FAM193A: variants seen among roughly 807,000 people sequenced by gnomAD.
The protein encoded by FAM193A is family with sequence similarity 193 member A.
A neutral mutation model predicts 126.5 loss-of-function variants in FAM193A; 22 were observed. The observed-to-expected ratio is 0.17, with a 90% CI of 0.12 to 0.25. The LOEUF is 0.25. Ranked by LOEUF, FAM193A falls within the 10% of genes least tolerant of loss-of-function variation. The pLI, the probability that FAM193A is intolerant of heterozygous loss-of-function variation, is 1.00. For missense variants in FAM193A, 1,675 were observed against 1,672.8 expected (o/e 1.00, Z -0.02); for synonymous variants, 761 against 646.8 (o/e 1.18, Z -2.68).
chr4:2,556,007 CTG>C (rs1460748251), intron 1 of FAM193A, among the ~76,000 whole-genome samples: 2 of 151,974 alleles, frequency 1.3e-5, no homozygotes, highest in Non-Finnish European at 2.9e-5. Context: ...GGCGATTCCC[CTG>C]TCTCAGCCTC....
At chr4:2,547,231 T>C (rs571981992) in intron 1 of FAM193A, among the ~76,000 whole-genome samples, 1 of 151,978 alleles carries the variant, frequency 6.6e-6, no homozygotes, top group South Asian at 2.1e-4. Flanking sequence ...CTACTAAAAA[T>C]ACAAAAAGTA....
intron 1 of FAM193A, among the ~76,000 whole-genome samples, chr4:2,563,404 G>A (rs1738745082): frequency 6.6e-6 from 1 of 151,976 alleles, no homozygotes; most frequent in Admixed American, 6.6e-5. Flanking sequence ...TAATTAAACT[G>A]GTCTTCACAA....
chr4:2,695,443 G>A (rs753813174), intron 17 of FAM193A, among the ~76,000 whole-genome samples: 71 of 152,326 alleles, frequency 4.7e-4, no homozygotes, highest in Non-Finnish European at 7.5e-4. Flanking sequence ...GCAGCGTTGT[G>A]TGTGTGCAGT....
rs111670654 is a variant in FAM193A at position 2,665,765 on chromosome 4, C to G, written c.2079+2477C>G. Among the ~76,000 whole-genome samples, 607 of 152,310 alleles carry G rather than the reference C, an allele frequency of 4.0e-3. 5 individuals carry two copies. Among genetic ancestry groups the G allele is most frequent in the African/African-American group, 0.012 (496 of 41,564 alleles). ...TGGTCTTGAACTTCTGGCCTCAAGC[C>G]ATCCTCCCATTTCAGCCTCCCAAAG... On this transcript the variant is annotated intron_variant, in intron 12 of 20. Transcript: ENST00000637812.
At chr4:2,658,275 G>A (rs1360955851) in intron 8 of FAM193A, among the ~76,000 whole-genome samples, 1 of 152,108 alleles carries the variant, frequency 6.6e-6, no homozygotes. Context: ...CTGGAATGGG[G>A]GCCCAGCATC....
intron 6 of FAM193A, among the ~76,000 whole-genome samples, chr4:2,641,085 G>C (rs899009045): frequency 6.6e-6 from 1 of 151,750 alleles, no homozygotes; most frequent in Non-Finnish European, 1.5e-5. Flanking sequence ...CTGTCACCCA[G>C]GCTGGAGTGC....
At chr4:2,611,696 T>C (rs1222525031) in intron 2 of FAM193A, among the ~76,000 whole-genome samples, 2 of 152,186 alleles carry the variant, frequency 1.3e-5, no homozygotes, top group African/African-American at 4.8e-5. Context: ...TCTTAATGAG[T>C]TGTGAGATAT....
chr4:2,712,187 T>G (rs1248775803), intron 19 of FAM193A, among the ~76,000 whole-genome samples: 4 of 150,602 alleles, frequency 2.7e-5, no homozygotes, highest in Non-Finnish European at 5.9e-5. Flanking sequence ...TAGAGTTCAC[T>G]GTGTGTGTGT....
At chr4:2,640,734 G>C (rs913346464) in intron 6 of FAM193A, among the ~76,000 whole-genome samples, 2 of 152,120 alleles carry the variant, frequency 1.3e-5, no homozygotes, top group African/African-American at 4.8e-5. Flanking sequence ...GAGGCCTTAA[G>C]CAGGCGGATC....
At chr4:2,710,412 A>G (rs1295010974) in intron 19 of FAM193A, among the ~76,000 whole-genome samples, 1 of 151,836 alleles carries the variant, frequency 6.6e-6, no homozygotes, top group Non-Finnish European at 1.5e-5. Context: ...TGACCTCATG[A>G]TCCACCCGCC....
chr4:2,715,763 G>T (rs971749530), intron 19 of FAM193A, among the ~76,000 whole-genome samples: 1 of 152,186 alleles, frequency 6.6e-6, no homozygotes, highest in Non-Finnish European at 1.5e-5. Context: ...GGGGAGTCTA[G>T]GTTCTGGCAA....
chr4:2,677,949 A>G (rs974687045), intron 13 of FAM193A, among the ~76,000 whole-genome samples: 1 of 151,852 alleles, frequency 6.6e-6, no homozygotes, highest in Non-Finnish European at 1.5e-5. Context: ...ATGTGTTTTC[A>G]TTTATTTATG....
At chr4:2,573,381 C>T (rs566458431) in intron 1 of FAM193A, among the ~76,000 whole-genome samples, 2 of 152,140 alleles carry the variant, frequency 1.3e-5, no homozygotes, top group East Asian at 1.9e-4. Flanking sequence ...TGCGTGGTGA[C>T]GGGCACCTGT....
chr4:2,624,457 C>A (rs2108973927), intron 2 of FAM193A, among the ~76,000 whole-genome samples: 1 of 152,282 alleles, frequency 6.6e-6, no homozygotes, highest in South Asian at 2.1e-4. Context: ...TGTTCTCTTT[C>A]TTAAGCCTCC....
intron 13 of FAM193A, among the ~76,000 whole-genome samples, chr4:2,683,348 G>A (rs1014216800): frequency 3.3e-5 from 5 of 151,550 alleles, no homozygotes; most frequent in African/African-American, 1.2e-4. Context: ...AGGCTGGAGT[G>A]CAGTGGCGCC....
At chr4:2,600,651 C>T (rs1302392207) in intron 2 of FAM193A, among the ~76,000 whole-genome samples, 1 of 152,178 alleles carries the variant, frequency 6.6e-6, no homozygotes, top group East Asian at 1.9e-4. Context: ...GTATCACCCC[C>T]AAACCCCCAT....
At chr4:2,709,972 T>C (rs1328720068) in intron 19 of FAM193A, among the ~76,000 whole-genome samples, 2 of 152,206 alleles carry the variant, frequency 1.3e-5, no homozygotes, top group Non-Finnish European at 1.5e-5. Flanking sequence ...TTCAAATTTA[T>C]TTGCATAGAT....
intron 1 of FAM193A, among the ~76,000 whole-genome samples, chr4:2,579,172 C>T (rs749349283): frequency 1.7e-4 from 25 of 150,642 alleles, no homozygotes; most frequent in Non-Finnish European, 2.8e-4. Flanking sequence ...CAGCAGTATA[C>T]GTTTTAAATT....
chr4:2,594,820 C>CTTTTTTTTTTTTTTTTTTTTT (rs386399069), intron 1 of FAM193A, among the ~76,000 whole-genome samples: 10 of 62,230 alleles, frequency 1.6e-4, no homozygotes, highest in Admixed American at 1.8e-4. Flanking sequence ...TTTTCTTTTC[C>CTTTTTTTTTTTTTTTTTTTTT]TTTTTTTTTT....
Sources: gnomAD v4.1 joint callset for allele counts (sites outside exome capture counted in the v4.1 genomes callset) on GRCh38, gnomAD v4.1.1 for gene constraint, MANE v1.5 for transcripts, NCBI Gene and HGNC (gene_info 2026-07-23, HGNC 2026-07-21) for gene names.